Variants in MYOM1 observed in about 807,000 individuals in gnomAD.
MYOM1 encodes the protein myomesin 1, also known as myomesin-1.
MYOM1 carries 164 observed loss-of-function variants against 205.3 expected under a neutral mutation model. That is an observed-to-expected ratio of 0.80 (90% CI 0.70 to 0.91). The LOEUF (loss-of-function observed/expected upper bound fraction) is 0.91, where lower values mean the gene tolerates loss of function less well. MYOM1 is among the 40% of genes least tolerant of loss of function. The pLI, the probability that MYOM1 is intolerant of heterozygous loss-of-function variation, is 0.00. For synonymous variants in MYOM1, 772 were observed against 789.4 expected (o/e 0.98, Z 0.37); for missense variants, 2,011 against 2,127.3 (o/e 0.95, Z 1.08).
intron 10 of MYOM1, among the ~76,000 whole-genome samples, chr18:3,163,019 T>G (rs372738363): frequency 9.8e-6 from 1 of 101,746 alleles, no homozygotes; most frequent in African/African-American, 4.3e-5. Flanking sequence ...TGACTGAGAC[T>G]CCCACTCAAA....
At chr18:3,078,566 A>T (rs2079047036) in intron 34 of MYOM1, among the ~76,000 whole-genome samples, 1 of 152,022 alleles carries the variant, frequency 6.6e-6, no homozygotes, top group African/African-American at 2.4e-5. Context: ...AGTAGTAGGG[A>T]TTATAGGCAT....
the MYOM1 span, among the ~76,000 whole-genome samples, chr18:3,229,496 C>G: frequency 6.6e-6 from 1 of 152,230 alleles, no homozygotes; most frequent in African/African-American, 2.4e-5. Context: ...TTTTTAACTA[C>G]CTCCTTGGGA....
intron 4 of MYOM1, 82 bp downstream of exon 4, chr18:3,188,666 T>TACACACACAC: frequency 9.0e-7 from 1 of 1,113,520 alleles, no homozygotes. Context: ...AATCTATATC[T>TACACACACAC]ACACACACAC....
intron 1 of MYOM1, among the ~76,000 whole-genome samples, chr18:3,215,722 C>T (rs2081257214): frequency 6.6e-6 from 1 of 152,116 alleles, no homozygotes; most frequent in African/African-American, 2.4e-5. Context: ...AGATATGCCC[C>T]TCCTGTCATT....
chr18:3,076,986 A>T (rs761234571), intron 34 of MYOM1, among the ~76,000 whole-genome samples: 79 of 150,226 alleles, frequency 5.3e-4, no homozygotes, highest in Non-Finnish European at 9.4e-4. Context: ...TGCTGGGATT[A>T]CAGGCGTGAG....
At chr18:3,236,876 T>C in the MYOM1 span, among the ~76,000 whole-genome samples, 1 of 152,038 alleles carries the variant, frequency 6.6e-6, no homozygotes, top group South Asian at 2.1e-4. Context: ...TTAGGAGGAA[T>C]TGGCAAAGGA....
intron 22 of MYOM1, among the ~76,000 whole-genome samples, chr18:3,111,046 G>A (rs2143795938): frequency 1.4e-5 from 2 of 143,406 alleles, no homozygotes; most frequent in South Asian, 2.3e-4. Context: ...CTGCCTCCTG[G>A]GTTCACGCGA....
At chr18:3,191,189 T>G (rs1598756450) in intron 3 of MYOM1, among the ~76,000 whole-genome samples, 1 of 152,318 alleles carries the variant, frequency 6.6e-6, no homozygotes, top group South Asian at 2.1e-4. Context: ...CCCGGTACTC[T>G]GCGAATCTCT....
At chr18:3,205,718 C>T (rs918839668) in intron 2 of MYOM1, among the ~76,000 whole-genome samples, 1 of 152,102 alleles carries the variant, frequency 6.6e-6, no homozygotes, top group Non-Finnish European at 1.5e-5. Context: ...TCAGAAAGTG[C>T]ACGAGAAAGT....
chr18:3,182,366 T>G (rs1162449866), intron 5 of MYOM1, among the ~76,000 whole-genome samples: 1 of 152,200 alleles, frequency 6.6e-6, no homozygotes, highest in Non-Finnish European at 1.5e-5. Flanking sequence ...TACACCAACA[T>G]GGCACATGTA....
At chr18:3,182,913 C>CTTTTTTTTTT (rs549386891) in intron 5 of MYOM1, among the ~76,000 whole-genome samples, 10 of 92,268 alleles carry the variant, frequency 1.1e-4, no homozygotes, top group South Asian at 3.8e-4. Flanking sequence ...TTTCTTTCTT[C>CTTTTTTTTTT]TTTTTTTTTT....
chr18:3,116,282 T>C, intron 21 of MYOM1, 49 bp downstream of exon 21: 1 of 1,560,290 alleles, frequency 6.4e-7, no homozygotes, highest in South Asian at 1.2e-5. Flanking sequence ...AAAGTTCGTA[T>C]TAGTAGAGCA....
At chr18:3,228,511 GT>G in the MYOM1 span, among the ~76,000 whole-genome samples, 64 of 149,702 alleles carry the variant, frequency 4.3e-4, no homozygotes, top group African/African-American at 9.3e-4. The surrounding 1 kb of genome is among the most constrained non-coding windows in gnomAD (Gnocchi z 4.5). Flanking sequence ...AAATCATATG[GT>G]TTTTTTTTTC....
chr18:3,069,386 C>T (rs1324316243), intron 37 of MYOM1, among the ~76,000 whole-genome samples: 1 of 152,154 alleles, frequency 6.6e-6, no homozygotes, highest in Non-Finnish European at 1.5e-5. Context: ...AAGGAAAGAA[C>T]TAGGGCTCAC....
chr18:3,089,470 A>C (rs1385589302), intron 28 of MYOM1, 67 bp downstream of exon 28: 1 of 1,208,924 alleles, frequency 8.3e-7, no homozygotes, highest in Non-Finnish European at 1.2e-6. Context: ...TTTGTTATGG[A>C]AATAACCTTG....
Position 3,142,056 on chromosome 18 carries a change from A to T in MYOM1, c.1908T>A (p.Ile636=). 1 of 1,613,320 alleles carries T rather than the reference A, an allele frequency of 6.2e-7. No homozygotes were observed. The highest frequency in any genetic ancestry group is 1.1e-5 in the South Asian group (1 of 91,040). ...IVTEEEPSEG[I]VPGPPTDLSV... is the part of the protein sequence containing the mutation. ...AGAGGTCTGTCGGGGGGCCAGGCACAATACCCTCTGAAAAACAACAAGGAA... is the reference window on the plus strand; with the variant it reads ...AGAGGTCTGTCGGGGGGCCAGGCACTATACCCTCTGAAAAACAACAAGGAA... The change falls in exon 14 of 38, where the codon ATT becomes ATA. Residue 636 remains isoleucine, a synonymous_variant. Transcript: ENST00000356443.
chr18:3,112,471 C>A, intron 21 of MYOM1, 59 bp from the exon 22 acceptor site: 1 of 1,321,088 alleles, frequency 7.6e-7, no homozygotes, highest in South Asian at 1.4e-5. Context: ...TGTTTTATGT[C>A]ATTTAAACAG....
intron 6 of MYOM1, among the ~76,000 whole-genome samples, chr18:3,175,048 T>C (rs1302559171): frequency 3.3e-5 from 5 of 152,158 alleles, no homozygotes; most frequent in Non-Finnish European, 7.4e-5. Context: ...TTGTGTAAAT[T>C]TTTTTTCTTG....
chr18:3,188,127 C>T (rs1378408266), intron 4 of MYOM1, among the ~76,000 whole-genome samples: 3 of 151,900 alleles, frequency 2.0e-5, no homozygotes, highest in Admixed American at 1.3e-4. Context: ...AGGTGTGAGC[C>T]GCCACACCTG....
Sources: allele counts gnomAD v4.1 joint callset (sites outside exome capture counted in the v4.1 genomes callset), GRCh38; gene constraint gnomAD v4.1.1; non-coding constraint Gnocchi (gnomAD v3.1); transcripts MANE v1.5; gene names NCBI Gene and HGNC (gene_info 2026-07-23, HGNC 2026-07-21).